The following FCGR3A variants were observed in gnomAD, a reference collection of about 807,000 sequenced individuals.
FCGR3A encodes the protein Fc gamma receptor IIIa.
A neutral mutation model predicts 24.1 loss-of-function variants in FCGR3A; 13 were observed. The ratio of observed to expected loss-of-function variants is 0.54; its 90% CI spans 0.35 to 0.86. The LOEUF (loss-of-function observed/expected upper bound fraction) is 0.86. Ranked by LOEUF, FCGR3A falls within the 40% of genes least tolerant of loss-of-function variation. FCGR3A has a pLI of 0.01. For missense variants in FCGR3A, 235 were observed against 298.0 expected (o/e 0.79, Z 1.56); for synonymous variants, 93 against 112.2 (o/e 0.83, Z 1.08).
At chr1:161,548,706 G>A (rs1392680511) in intron 2 of FCGR3A, 28 bp from the exon 3 acceptor site, 4 of 1,613,628 alleles carry the variant, frequency 2.5e-6, no homozygotes, top group East Asian at 2.2e-5. Context: ...TGTGGGGTGA[G>A]GACAGGGAGA....
chr1:161,549,316 C>A (rs938303952), intron 1 of FCGR3A, among the ~76,000 whole-genome samples: 1 of 151,870 alleles, frequency 6.6e-6, no homozygotes, highest in African/African-American at 2.4e-5. Context: ...TTCCCTGAAC[C>A]AAGCTACAGA....
intron 3 of FCGR3A, chr1:161,545,868 T>C (rs1677368469): frequency 6.6e-6 from 1 of 152,166 alleles, no homozygotes. Context: ...AAAAGCATAA[T>C]ACTTCAAATA....
upstream of FCGR3A, chr1:161,550,109 A>G (rs1677691630): frequency 1.8e-6 from 1 of 542,770 alleles, no homozygotes; most frequent in Non-Finnish European, 3.2e-6. Context: ...AGAATGGGAC[A>G]GTGAGACCCT....
Position 161,549,005 on chromosome 1 carries a change from A to T in FCGR3A, c.61+6T>A. ...GGGTCAATCCAAGACCATGAAGCTG[A>T]CTCACCAGTCCGCATGCCAGCTGAA... On this transcript the variant is annotated splice_donor_region_variant and intron_variant, in intron 2 of 4. Coordinates refer to ENST00000443193, the MANE Select transcript of FCGR3A (RefSeq NM_000569.8). 2.5e-6 allele frequency: 4 copies of T among 1,601,938 alleles called. No homozygotes were observed. The highest frequency in any genetic ancestry group is 3.4e-6 in the Non-Finnish European group (4 of 1,169,924).
In FCGR3A at chr1:161,546,920, A is replaced by C. The variant is rs1447683732; in HGVS notation, c.319+1501T>G. Among the ~76,000 whole-genome samples, 5 of 152,020 alleles carry C rather than the reference A, an allele frequency of 3.3e-5. No homozygotes were observed. The South Asian group carries it at 8.3e-4, about 25-fold the overall frequency. ...ACTCTGTCTCAAAAACAAAAACAAAAACAAACACAAACAAACAAACAAAAA... is the reference window on the plus strand; with the variant it reads ...ACTCTGTCTCAAAAACAAAAACAAACACAAACACAAACAAACAAACAAAAA... On this transcript the variant is annotated intron_variant, in intron 3 of 4. Coordinates refer to ENST00000443193, the MANE Select transcript of FCGR3A (RefSeq NM_000569.8).
At chr1:161,544,675 G>A in intron 4 of FCGR3A, 26 bp downstream of exon 4, 1 of 1,607,254 alleles carries the variant, frequency 6.2e-7, no homozygotes, top group Non-Finnish European at 8.5e-7. Flanking sequence ...GCGTCCCTGG[G>A]CATTCCAGGG....
rs185259642 is a variant in FCGR3A, at chr1:161,549,335, C to T, written c.41-304G>A. ...CTGAACCAAGCTACAGAAAGAGCCT[C>T]AACCCATATCCCCACAAGAAAGGGT... is the stretch of plus-strand genomic sequence containing the variant. On this transcript the variant is annotated intron_variant, in intron 1 of 4. Transcript: ENST00000443193. 5.3e-5 allele frequency among the ~76,000 whole-genome samples: 8 copies of T among 152,092 alleles called. 2 individuals carry two copies. The highest frequency in any genetic ancestry group is 1.9e-4 in the African/African-American group (8 of 41,456).
chr1:161,543,529 G>T (rs1380864296), intron 4 of FCGR3A, among the ~76,000 whole-genome samples: 4 of 152,116 alleles, frequency 2.6e-5, no homozygotes, highest in African/African-American at 9.7e-5. Context: ...TAGAAACTGG[G>T]ACAAATTTGT....
Position 161,543,071 on chromosome 1 carries a change from A to C in FCGR3A, c.706T>G (p.Ser236Ala), listed in dbSNP as rs372287541. Residue 236 changes from serine to alanine, a missense_variant, in exon 5 of 5, where the codon TCA becomes GCA. By Grantham distance (99) the Ser-to-Ala change is moderately conservative. Transcript: ENST00000443193. The part of the protein sequence containing the change: ...YFSVKTNIRS[S>A]TRDWKDHKFK... ...TTATGGTCCTTCCAGTCTCTTGTTG[A>C]GCTTCGAATGTTTGTCTTCACAGAG... The C allele has an allele frequency of 2.5e-6, 4 of 1,613,302 alleles. No homozygotes were observed. The highest frequency in any genetic ancestry group is 3.4e-6 in the Non-Finnish European group (4 of 1,179,616).
rs536649865 is a variant in FCGR3A at position 161,548,690 on chromosome 1, A to G, written c.62-12T>C. The G allele has an allele frequency of 2.0e-5, 33 of 1,613,844 alleles. 1 individual carries two copies. In the Middle Eastern group the frequency reaches 2.3e-3, roughly 113 times the overall value. On this transcript the variant is annotated splice_polypyrimidine_tract_variant and intron_variant, in intron 2 of 4. Transcript: ENST00000443193. ...CTTTGGGAGATCTTCTGAGGAGCCA[A>G]GATAATGTGGGGTGAGGACAGGGAG...
At chr1:161,548,969 T>G (rs6427603) in intron 2 of FCGR3A, 42 bp downstream of exon 2, 9 of 1,593,282 alleles carry the variant, frequency 5.6e-6, no homozygotes, top group Admixed American at 1.7e-5. Context: ...TGTCCCCATA[T>G]GTGCCCCACT....
intron 2 of FCGR3A, 97 bp downstream of exon 2, chr1:161,548,914 A>G (rs1303294746): frequency 7.4e-7 from 1 of 1,343,106 alleles, no homozygotes; most frequent in Non-Finnish European, 1.1e-6. Context: ...ACCCCACATC[A>G]GCATTTTCCC....
At chr1:161,550,028 C>T (rs1470436434), upstream of FCGR3A, 8 of 669,046 alleles carry the variant, frequency 1.2e-5, no homozygotes, top group East Asian at 2.7e-5. Context: ...CACACAGAAT[C>T]TGCCAGAGTG....
At chr1:161,548,149 C>A (rs452662) in intron 3 of FCGR3A, among the ~76,000 whole-genome samples, 3,323 of 152,166 alleles carry the variant, frequency 0.022, 35 homozygotes, top group African/African-American at 0.074. Context: ...CTAACCTTCA[C>A]ATGACACATT....
intron 3 of FCGR3A, among the ~76,000 whole-genome samples, chr1:161,546,670 C>T (rs570870070): frequency 5.3e-4 from 79 of 148,448 alleles, no homozygotes; most frequent in African/African-American, 1.9e-3. Context: ...CTTTGGGAGG[C>T]CGAGGTGGGC....
At position 161,542,773 on chromosome 1, in the gene FCGR3A, C is replaced by T; in HGVS notation, c.*239G>A. On this transcript the variant is annotated 3_prime_UTR_variant, in exon 5 of 5. Transcript: ENST00000443193. ...TGGGACAGAAAAAGTGTTTGTGTAGCTCTGAAACTTCAATTTCTAGGAATG... is the reference window on the plus strand; with the variant it reads ...TGGGACAGAAAAAGTGTTTGTGTAGTTCTGAAACTTCAATTTCTAGGAATG... 4.9e-6 allele frequency: 2 copies of T among 408,074 alleles called. No homozygotes were observed. Among genetic ancestry groups the T allele is most frequent in the East Asian group, 7.5e-5 (2 of 26,676 alleles). 25.3% of individuals were successfully genotyped at this position (408,074 alleles called of 1,614,324 possible). A position where few individuals can be genotyped will look rare whatever the true frequency, so the allele number is the denominator to read the frequency against.
At chr1:161,550,464 C>G, upstream of FCGR3A, 1 of 156,162 alleles carries the variant, frequency 6.4e-6, no homozygotes, top group Non-Finnish European at 1.4e-5. Context: ...AACAAGTCAC[C>G]AGCGAAAGGC....
upstream of FCGR3A, among the ~76,000 whole-genome samples, chr1:161,550,305 G>A (rs1181013266): frequency 6.6e-6 from 1 of 152,158 alleles, no homozygotes; most frequent in Non-Finnish European, 1.5e-5. Context: ...TTATCTCCAC[G>A]CAGAATTTCT....
intron 3 of FCGR3A, among the ~76,000 whole-genome samples, chr1:161,548,129 A>G (rs1235810359): frequency 2.6e-5 from 4 of 152,300 alleles, no homozygotes; most frequent in African/African-American, 9.6e-5. Flanking sequence ...TTGAGCATCT[A>G]TGCCATGGCC....
Sources: allele counts gnomAD v4.1 joint callset (sites outside exome capture counted in the v4.1 genomes callset), GRCh38; gene constraint gnomAD v4.1.1; transcripts MANE v1.5; gene names NCBI Gene and HGNC (gene_info 2026-07-23, HGNC 2026-07-21).